Variants in PRKG1 observed in about 807,000 individuals in gnomAD.
The protein encoded by PRKG1 is protein kinase cGMP-dependent 1, also known as cGMP-dependent protein kinase 1.
Under a neutral mutation model 88.1 loss-of-function variants are expected in PRKG1, and 35 were observed. The ratio of observed to expected loss-of-function variants is 0.40; its 90% CI spans 0.30 to 0.53. The LOEUF is 0.53. Ranked by LOEUF, PRKG1 falls within the 20% of genes least tolerant of loss-of-function variation. The pLI is 0.59. For synonymous variants in PRKG1, 303 were observed against 292.5 expected (o/e 1.04, Z -0.37); for missense variants, 540 against 839.8 (o/e 0.64, Z 4.41).
chr10:52,038,658 G>A (rs1192230217), intron 5 of PRKG1, among the ~76,000 whole-genome samples: 1 of 152,130 alleles, frequency 6.6e-6, no homozygotes, highest in Admixed American at 6.5e-5. Flanking sequence ...TCCCAGAAAA[G>A]TGGGACTTGC....
At chr10:51,768,297 A>G (rs1200708309) in intron 3 of PRKG1, among the ~76,000 whole-genome samples, 4 of 152,238 alleles carry the variant, frequency 2.6e-5, no homozygotes, top group African/African-American at 9.6e-5. Flanking sequence ...ATAAGCTAAG[A>G]GTTGTGCTGG....
intron 5 of PRKG1, among the ~76,000 whole-genome samples, chr10:51,961,155 C>A (rs966633770): frequency 4.6e-5 from 7 of 152,122 alleles, no homozygotes. Context: ...ACAGAACTAA[C>A]ATAATACCAA....
rs527412575 is a variant in PRKG1, at chr10:51,250,079, A to G, written c.478+96749A>G. 2.6e-5 allele frequency among the ~76,000 whole-genome samples: 4 copies of G among 151,896 alleles called. No individual in the cohort carries two copies. The South Asian group carries it at 8.3e-4, about 32-fold the overall frequency. On this transcript the variant is annotated intron_variant, in intron 2 of 17. Coordinates refer to ENST00000373980, the MANE Select transcript of PRKG1 (RefSeq NM_006258.4). Reference sequence around the variant, plus strand: ...TCATGAGCCTACAGTTACTGAATGGAAAAGTGAGGCTTGTCCCTCTCATTG... The same window carrying G: ...TCATGAGCCTACAGTTACTGAATGGGAAAGTGAGGCTTGTCCCTCTCATTG...
chr10:51,726,773 AT>A (rs1198146981), intron 3 of PRKG1, among the ~76,000 whole-genome samples: 1 of 151,998 alleles, frequency 6.6e-6, no homozygotes, highest in African/African-American at 2.4e-5. Context: ...AGTCTGACAT[AT>A]TTTGTTTGTT....
chr10:52,009,719 A>C (rs1844833286), intron 5 of PRKG1, among the ~76,000 whole-genome samples: 1 of 152,206 alleles, frequency 6.6e-6, no homozygotes, highest in Non-Finnish European at 1.5e-5. Context: ...TAGGCAAGGC[A>C]ATCATAAGGA....
intron 2 of PRKG1, among the ~76,000 whole-genome samples, chr10:51,275,770 T>TGACA (rs1564666040): frequency 6.6e-6 from 1 of 152,014 alleles, no homozygotes. Context: ...AAGAGACCTG[T>TGACA]GACACTGTAG....
intron 4 of PRKG1, among the ~76,000 whole-genome samples, chr10:51,845,466 C>T (rs536294971): frequency 2.0e-3 from 312 of 152,278 alleles, no homozygotes; most frequent in Non-Finnish European, 3.5e-3. Flanking sequence ...TTTACCACTT[C>T]TTAGTTTCCA....
At chr10:51,017,490 G>A (rs1843082659) in intron 1 of PRKG1, among the ~76,000 whole-genome samples, 1 of 152,114 alleles carries the variant, frequency 6.6e-6, no homozygotes, top group Non-Finnish European at 1.5e-5. Context: ...ATGTGAAAGT[G>A]CTTTGTAACA....
intron 2 of PRKG1, among the ~76,000 whole-genome samples, chr10:51,237,977 G>T (rs1839042028): frequency 6.6e-6 from 1 of 152,070 alleles, no homozygotes; most frequent in African/African-American, 2.4e-5. Flanking sequence ...ATACTGTTAA[G>T]TATTTTCTAT....
chr10:51,500,031 T>G (rs1389282124), intron 3 of PRKG1, among the ~76,000 whole-genome samples: 2 of 152,154 alleles, frequency 1.3e-5, no homozygotes, highest in East Asian at 3.8e-4. Context: ...ATGGAAGATC[T>G]CTCTTTCTTT....
chr10:51,504,099 A>C (rs1243067734), intron 3 of PRKG1, among the ~76,000 whole-genome samples: 1 of 152,148 alleles, frequency 6.6e-6, no homozygotes, highest in African/African-American at 2.4e-5. Flanking sequence ...TAGGATAAGA[A>C]AGAGGTGGCT....
chr10:51,863,969 C>G (rs1840951927), intron 4 of PRKG1, among the ~76,000 whole-genome samples: 1 of 152,214 alleles, frequency 6.6e-6, no homozygotes, highest in Admixed American at 6.5e-5. Context: ...CTTGTCCACT[C>G]TATCCTTAAA....
chr10:51,372,501 T>C (rs1842724966), intron 2 of PRKG1, among the ~76,000 whole-genome samples: 2 of 152,272 alleles, frequency 1.3e-5, no homozygotes, highest in South Asian at 4.1e-4. Flanking sequence ...ATCACTCTTT[T>C]TACTTGCTTT....
chr10:51,919,798 G>T (rs1842424719), intron 5 of PRKG1, among the ~76,000 whole-genome samples: 1 of 151,934 alleles, frequency 6.6e-6, no homozygotes, highest in Non-Finnish European at 1.5e-5. Flanking sequence ...CCTGGAACTT[G>T]TCTGTCTCCC....
chr10:52,149,177 C>T (rs903383300), intron 8 of PRKG1, among the ~76,000 whole-genome samples: 18 of 151,136 alleles, frequency 1.2e-4, no homozygotes, highest in African/African-American at 2.4e-4. Flanking sequence ...CAGAAAAGTA[C>T]GATGATAATG....
chr10:51,282,398 T>C (rs1238073854), intron 2 of PRKG1, among the ~76,000 whole-genome samples: 1 of 152,106 alleles, frequency 6.6e-6, no homozygotes, highest in Non-Finnish European at 1.5e-5. Context: ...CACCAGCATA[T>C]AATGAGAACT....
At chr10:51,974,319 T>TAACTGA (rs1209854731) in intron 5 of PRKG1, among the ~76,000 whole-genome samples, 1 of 152,130 alleles carries the variant, frequency 6.6e-6, no homozygotes, top group African/African-American at 2.4e-5. Flanking sequence ...AATATTGTAG[T>TAACTGA]AACTGACTTG....
At chr10:52,193,571 A>AAAAT (rs1839427862) in intron 9 of PRKG1, among the ~76,000 whole-genome samples, 1 of 141,450 alleles carries the variant, frequency 7.1e-6, no homozygotes, top group African/African-American at 2.6e-5. Flanking sequence ...AACAAAAAAA[A>AAAAT]AAAACAAAAA....
chr10:51,008,770 G>A (rs1480326824), intron 1 of PRKG1, among the ~76,000 whole-genome samples: 1 of 152,116 alleles, frequency 6.6e-6, no homozygotes, highest in Non-Finnish European at 1.5e-5. Context: ...TGTGACTTCT[G>A]AAGTCTGCTG....
Sources: allele counts gnomAD v4.1 joint callset (sites outside exome capture counted in the v4.1 genomes callset), GRCh38; gene constraint gnomAD v4.1.1; transcripts MANE v1.5; gene names NCBI Gene and HGNC (gene_info 2026-07-23, HGNC 2026-07-21).